LSM2: variants seen among roughly 807,000 people sequenced by gnomAD.
The protein encoded by LSM2 is LSM2 homolog, U6 small nuclear RNA and mRNA degradation associated, also known as U6 snRNA-associated Sm-like protein LSm2.
LSM2 carries 12 observed loss-of-function variants against 17.0 expected under a neutral mutation model. The observed-to-expected ratio is 0.70, with a 90% CI of 0.45 to 1.14. LSM2 has a LOEUF of 1.14. Ranked by LOEUF, LSM2 falls within the 50% of genes most tolerant of loss-of-function variation. The probability of loss-of-function intolerance (pLI) is 0.00; values close to 1 mark genes in which losing one functional copy is unlikely to be tolerated. For missense variants in LSM2, 62 were observed against 111.8 expected (o/e 0.55, Z 2.01); for synonymous variants, 42 against 44.5 (o/e 0.94, Z 0.22).
At chr6:31,806,657 C>G (rs1815054551) in intron 1 of LSM2, 98 bp downstream of exon 1, 25 of 1,471,498 alleles carry the variant, frequency 1.7e-5, no homozygotes, top group Non-Finnish European at 2.3e-5. Flanking sequence ...GATAAAAACT[C>G]CGGACCTAAC....
In LSM2 at chr6:31,806,125, G is replaced by A; in HGVS notation, c.21C>T (p.Phe7=). Residue 7 remains phenylalanine (F), a synonymous_variant, in exon 2 of 5, where the codon TTC becomes TTT. Coordinates refer to ENST00000375661, the MANE Select transcript of LSM2 (RefSeq NM_021177.5). MLFYSF[F]KSLVGKDVVV... is the part of the protein sequence containing the mutation. ...CCACATCCTTGCCCACAAGGGACTT[G>A]AAAAAAGAATAGAAGAGCTATTGGG... The A allele has an allele frequency of 5.6e-6, 9 of 1,612,796 alleles. No homozygotes were observed. The highest frequency in any genetic ancestry group is 6.8e-6 in the Non-Finnish European group (8 of 1,179,876).
chr6:31,806,963 G>A lies in LSM2; in HGVS notation c.-206C>T. 1.7e-6 allele frequency: 1 copy of A among 593,768 alleles called. No individual in the cohort carries two copies. The allele number at this position is 593,768 out of a possible 1,614,324, so 36.8% of individuals were successfully genotyped here. ...GAGCGCAAGCTGGGTAGAGTAGAGG[G>A]GAGGAGGAAGCCGGGAAAGGGGCGG... On this transcript the variant is annotated 5_prime_UTR_variant, in exon 1 of 5. Coordinates refer to ENST00000375661, the MANE Select transcript of LSM2 (RefSeq NM_021177.5).
chr6:31,805,369 CTTT>C (rs113500265), intron 2 of LSM2, among the ~76,000 whole-genome samples: 4 of 143,448 alleles, frequency 2.8e-5, no homozygotes, highest in South Asian at 2.2e-4. Context: ...CTAGTACTTA[CTTT>C]TTTTTTTTTT....
chr6:31,806,541 ATCTC>A, intron 1 of LSM2: 1 of 692,826 alleles, frequency 1.4e-6, no homozygotes, highest in Non-Finnish European at 2.5e-6. Flanking sequence ...TCCTCACTGA[ATCTC>A]TCTCAGGGTT....
At chr6:31,804,254 G>C (rs889853041) in intron 2 of LSM2, among the ~76,000 whole-genome samples, 2 of 151,758 alleles carry the variant, frequency 1.3e-5, no homozygotes, top group Admixed American at 6.6e-5. Flanking sequence ...ACAGCTACTA[G>C]GGAGGCTGAG....
chr6:31,806,695 C>G (rs895736249), intron 1 of LSM2, 60 bp downstream of exon 1: 1 of 1,595,708 alleles, frequency 6.3e-7, no homozygotes, highest in Non-Finnish European at 8.5e-7. Context: ...AAGGCCAGAT[C>G]CCCCGCCCCA....
intron 2 of LSM2, among the ~76,000 whole-genome samples, chr6:31,803,781 A>G (rs1270119104): frequency 6.6e-6 from 1 of 151,958 alleles, no homozygotes; most frequent in East Asian, 1.9e-4. Flanking sequence ...GAGTTTCACC[A>G]TGTTGGCCAA....
At position 31,806,811 on chromosome 6, in the gene LSM2, A is replaced by T; in HGVS notation, c.-54T>A. 6.3e-7 allele frequency: 1 copy of T among 1,594,554 alleles called. No individual in the cohort carries two copies. Among genetic ancestry groups the T allele is most frequent in the East Asian group, 2.3e-5 (1 of 44,318 alleles). On this transcript the variant is annotated 5_prime_UTR_variant, in exon 1 of 5. Coordinates refer to ENST00000375661, the MANE Select transcript of LSM2 (RefSeq NM_021177.5). ...ACCGGGAAGACAGCAGGGTGCTGCG[A>T]GCAGGTCTGGGGAAACCGAAGCGCG...
intron 2 of LSM2, among the ~76,000 whole-genome samples, chr6:31,803,796 G>C (rs1814850675): frequency 2.6e-5 from 4 of 152,000 alleles, no homozygotes; most frequent in Admixed American, 2.6e-4. Flanking sequence ...GGCCAAGCTA[G>C]TCTCAAACTC....
At chr6:31,806,521 T>C in intron 1 of LSM2, 1 of 650,374 alleles carries the variant, frequency 1.5e-6, no homozygotes, top group South Asian at 1.9e-5. Flanking sequence ...AACTTTTCCG[T>C]CTCCCGCTAT....
intron 2 of LSM2, among the ~76,000 whole-genome samples, chr6:31,800,103 G>A (rs889389632): frequency 9.9e-5 from 15 of 152,120 alleles, no homozygotes; most frequent in African/African-American, 2.9e-4. Flanking sequence ...TAGGGAGGAC[G>A]AGGCGGGCGA....
intron 2 of LSM2, among the ~76,000 whole-genome samples, chr6:31,798,884 A>G (rs376026517): frequency 4.6e-5 from 7 of 151,732 alleles, no homozygotes; most frequent in African/African-American, 1.7e-4. Context: ...CTTCAGGCGC[A>G]TGCCATCATG....
chr6:31,797,652 TA>T lies in LSM2; in HGVS notation c.*104del, dbSNP rs1254890191. The T allele has an allele frequency of 2.6e-6, 4 of 1,537,116 alleles. No homozygotes were observed. Among genetic ancestry groups the T allele is most frequent in the Non-Finnish European group, 3.5e-6 (4 of 1,134,424 alleles). ...AAAAAACCCACAAAACCATCATTAG[TA>T]AAAAAACAAAACCCCTTCAAGTATT... On this transcript the variant is annotated 3_prime_UTR_variant, in exon 5 of 5. Transcript: ENST00000375661.
chr6:31,801,694 G>A (rs1001533722), intron 2 of LSM2, among the ~76,000 whole-genome samples: 1 of 152,124 alleles, frequency 6.6e-6, no homozygotes, highest in Non-Finnish European at 1.5e-5. Flanking sequence ...TATTCGGGAG[G>A]CTGAGGTGGA....
At chr6:31,806,677 G>A in intron 1 of LSM2, 78 bp downstream of exon 1, 1 of 1,563,738 alleles carries the variant, frequency 6.4e-7, no homozygotes, top group Non-Finnish European at 8.7e-7. Flanking sequence ...CTCCAGCCTA[G>A]GGGTACAAAG....
intron 1 of LSM2, 114 bp downstream of exon 1, chr6:31,806,641 G>C (rs1037881635): frequency 7.5e-7 from 1 of 1,326,226 alleles, no homozygotes; most frequent in African/African-American, 1.5e-5. Flanking sequence ...CAGTACTAAA[G>C]ATGAAGATAA....
chr6:31,797,842 C>G lies in LSM2; in HGVS notation c.203G>C (p.Arg68Pro). 1 of 1,612,920 alleles carries G rather than the reference C, an allele frequency of 6.2e-7. No homozygotes were observed. Among genetic ancestry groups the G allele is most frequent in the Non-Finnish European group, 8.5e-7 (1 of 1,180,006 alleles). Residue 68 changes from arginine to proline, a missense_variant, in exon 5 of 5, where the codon CGA becomes CCA. Physicochemically the swap from Arg to Pro is moderately radical, Grantham distance 103. Transcript: ENST00000375661. ...KNCFIRGSVV[R>P]YVQLPADEVD... ...CTCATCTGCTGGCAGCTGCACGTAT[C>G]GGACCACTGAGCCCCGAATGAAGCA...
intron 3 of LSM2, 35 bp from the exon 4 acceptor site, chr6:31,798,084 A>T (rs75943791): frequency 0.07 from 87,122 of 1,237,586 alleles, 1,550 homozygotes; most frequent in African/African-American, 0.17. Flanking sequence ...TATTATTATT[A>T]TTTTTTTTTT....
chr6:31,800,315 G>A (rs1814621325), intron 2 of LSM2, among the ~76,000 whole-genome samples: 1 of 152,154 alleles, frequency 6.6e-6, no homozygotes, highest in Non-Finnish European at 1.5e-5. Context: ...CAGCCTGGGT[G>A]ACAGAGTGAG....
Sources: allele counts gnomAD v4.1 joint callset (sites outside exome capture counted in the v4.1 genomes callset), GRCh38; gene constraint gnomAD v4.1.1; transcripts MANE v1.5; gene names NCBI Gene and HGNC (gene_info 2026-07-23, HGNC 2026-07-21).